HIKESHI: variants seen among roughly 807,000 people sequenced by gnomAD.
The protein encoded by HIKESHI is heat shock protein nuclear import factor hikeshi.
Under a neutral mutation model 25.7 loss-of-function variants are expected in HIKESHI, and 13 were observed. That is an observed-to-expected ratio of 0.51 (90% CI 0.33 to 0.80). The LOEUF is 0.80. Ranked by LOEUF, HIKESHI falls within the 30% of genes least tolerant of loss-of-function variation. The pLI, the probability that HIKESHI is intolerant of heterozygous loss-of-function variation, is 0.02. For synonymous variants in HIKESHI, 76 were observed against 78.7 expected (o/e 0.97, Z 0.18); for missense variants, 174 against 229.5 (o/e 0.76, Z 1.56).
intron 2 of HIKESHI, chr11:86,324,004 A>AT (rs2138360281): frequency 6.6e-6 from 1 of 151,998 alleles, no homozygotes; most frequent in East Asian, 1.9e-4. Context: ...ATTTTTATTT[A>AT]TTTTTTAAGA....
intron 2 of HIKESHI, chr11:86,326,384 AT>A (rs1380368017): frequency 7.2e-6 from 3 of 417,646 alleles, no homozygotes; most frequent in East Asian, 7.1e-5. Context: ...GTCTTTTGTT[AT>A]ATTATGTAAT....
chr11:86,332,287 A>G (rs1223973854), intron 2 of HIKESHI, among the ~76,000 whole-genome samples: 2 of 151,810 alleles, frequency 1.3e-5, no homozygotes, highest in Non-Finnish European at 2.9e-5. Context: ...TTTAGTCCTC[A>G]TCTCTTTGCT....
chr11:86,303,900 C>G (rs1946556777), intron 1 of HIKESHI, among the ~76,000 whole-genome samples: 1 of 152,092 alleles, frequency 6.6e-6, no homozygotes, highest in African/African-American at 2.4e-5. Flanking sequence ...TGTTCAGTAC[C>G]TATACAAAGT....
chr11:86,309,379 G>A (rs928752808), intron 2 of HIKESHI, among the ~76,000 whole-genome samples: 3 of 152,172 alleles, frequency 2.0e-5, no homozygotes, highest in Admixed American at 6.5e-5. Flanking sequence ...TTTGAGAAGT[G>A]TGTGTTCATA....
chr11:86,328,894 G>T (rs1947350142), intron 2 of HIKESHI, among the ~76,000 whole-genome samples: 1 of 127,456 alleles, frequency 7.8e-6, no homozygotes, highest in Non-Finnish European at 1.6e-5. Context: ...TCTTTCCATT[G>T]TGTTTTGTGT....
chr11:86,329,089 A>C (rs1374071668), intron 2 of HIKESHI, among the ~76,000 whole-genome samples: 1 of 151,992 alleles, frequency 6.6e-6, no homozygotes. Flanking sequence ...CCTATTAACC[A>C]AGTAAAGTGA....
chr11:86,339,246 C>T (rs909813994), intron 3 of HIKESHI, among the ~76,000 whole-genome samples: 1 of 152,110 alleles, frequency 6.6e-6, no homozygotes, highest in Non-Finnish European at 1.5e-5. Context: ...GATGGGGTTT[C>T]GCCGTGTTAG....
chr11:86,310,991 G>A (rs1213049311), intron 2 of HIKESHI, among the ~76,000 whole-genome samples: 3 of 152,188 alleles, frequency 2.0e-5, no homozygotes, highest in South Asian at 2.1e-4. Flanking sequence ...TTTTTGCATC[G>A]ATGTTCATCA....
intron 4 of HIKESHI, chr11:86,345,123 G>A: frequency 1.9e-6 from 2 of 1,052,528 alleles, no homozygotes; most frequent in Non-Finnish European, 2.3e-6. Flanking sequence ...GTATCCTAGA[G>A]ATGGGAGGAT....
chr11:86,324,916 C>T (rs1181472818), intron 2 of HIKESHI, among the ~76,000 whole-genome samples: 4 of 152,030 alleles, frequency 2.6e-5, no homozygotes, highest in African/African-American at 7.2e-5. Context: ...TGGTGGCTCA[C>T]GCCTGTAATT....
Position 86,306,291 on chromosome 11 carries a change from A to G in HIKESHI, c.77A>G (p.Asp26Gly). Residue 26 changes from aspartate to glycine, a missense_variant, in exon 2 of 5, where the codon GAC becomes GGC. By Grantham distance (94) the Asp-to-Gly change is moderately conservative. Transcript: ENST00000278483. Reference protein sequence around the residue: ...QQVAEDKFVFDLPDYESINHV... With the variant: ...QQVAEDKFVFGLPDYESINHV... ...GTGGCAGAGGATAAATTTGTTTTTGACTTACCTGATTATGAAAGTATCAAC... is the reference window on the plus strand; with the variant it reads ...GTGGCAGAGGATAAATTTGTTTTTGGCTTACCTGATTATGAAAGTATCAAC... 6.2e-7 allele frequency: 1 copy of G among 1,614,004 alleles called. No individual in the cohort carries two copies. The highest frequency in any genetic ancestry group is 1.1e-5 in the South Asian group (1 of 91,072).
intron 2 of HIKESHI, among the ~76,000 whole-genome samples, chr11:86,336,892 C>A (rs1947577575): frequency 6.6e-6 from 1 of 151,960 alleles, no homozygotes. Flanking sequence ...ATCAGAGACC[C>A]CATAGTCTTC....
At chr11:86,319,871 G>A (rs1947105889) in intron 2 of HIKESHI, among the ~76,000 whole-genome samples, 1 of 152,074 alleles carries the variant, frequency 6.6e-6, no homozygotes. Context: ...GTTTTTGTGT[G>A]AAACTTAGCA....
At chr11:86,317,678 C>T (rs765622178) in intron 2 of HIKESHI, among the ~76,000 whole-genome samples, 18 of 151,782 alleles carry the variant, frequency 1.2e-4, no homozygotes, top group East Asian at 5.8e-4. Context: ...TGGTGGTGCG[C>T]GCCTGTTGTC....
chr11:86,323,023 G>C (rs950155523), intron 2 of HIKESHI, among the ~76,000 whole-genome samples: 1 of 152,074 alleles, frequency 6.6e-6, no homozygotes. Flanking sequence ...GAACTCAGGA[G>C]TTCAAGACCA....
chr11:86,330,186 T>C lies in HIKESHI; in HGVS notation c.269-7193T>C, dbSNP rs554765431. On this transcript the variant is annotated intron_variant, in intron 2 of 4. Transcript: ENST00000278483. ...ATACATTGTTAACTTTTCACAGTGT[T>C]CCAAGAATTAATATTACAGAAATAA... Among the ~76,000 whole-genome samples, 4 of 152,296 alleles carry C rather than the reference T, an allele frequency of 2.6e-5. No homozygotes were observed. The South Asian group carries it at 8.3e-4, about 32-fold the overall frequency.
chr11:86,340,860 G>C (rs879405826), intron 3 of HIKESHI, among the ~76,000 whole-genome samples: 2 of 152,132 alleles, frequency 1.3e-5, no homozygotes, highest in Non-Finnish European at 2.9e-5. Flanking sequence ...GGTCAGGCTG[G>C]TCTTGAACTC....
chr11:86,315,925 C>T (rs948034965), intron 2 of HIKESHI, among the ~76,000 whole-genome samples: 3 of 151,494 alleles, frequency 2.0e-5, no homozygotes, highest in East Asian at 1.9e-4. Context: ...TTTTGAGGTC[C>T]GGTTCTTAAA....
chr11:86,319,240 A>ATTTTTTTTTTTTT (rs1273706275), intron 2 of HIKESHI, among the ~76,000 whole-genome samples: 1 of 92,984 alleles, frequency 1.1e-5, no homozygotes, highest in South Asian at 3.9e-4. Context: ...ATATATATAT[A>ATTTTTTTTTTTTT]TATTTTTTTT....
Sources: gnomAD v4.1 joint callset for allele counts (sites outside exome capture counted in the v4.1 genomes callset) on GRCh38, gnomAD v4.1.1 for gene constraint, MANE v1.5 for transcripts, NCBI Gene and HGNC (gene_info 2026-07-23, HGNC 2026-07-21) for gene names.